SLC28A3: variants seen among roughly 807,000 people sequenced by gnomAD.
SLC28A3 encodes the protein concentrative Na(+)-nucleoside cotransporter 3.
A neutral mutation model predicts 84.2 loss-of-function variants in SLC28A3; 68 were observed. The ratio of observed to expected loss-of-function variants is 0.81; its 90% confidence interval spans 0.66 to 0.99. The LOEUF (loss-of-function observed/expected upper bound fraction) is 0.99. Among genes scored for constraint, SLC28A3 ranks in the 50% least tolerant of loss-of-function variants. The pLI is 0.00. For synonymous variants in SLC28A3, 267 were observed against 303.6 expected, an observed-to-expected ratio of 0.88 and a Z score of 1.25; for missense variants, 712 against 841.5, an observed-to-expected ratio of 0.85 and a Z score of 1.90.
In SLC28A3 at chr9:84,288,076, G is replaced by T. The variant is rs11568405; in HGVS notation, c.1252C>A (p.Leu418Ile). 420 of 1,613,994 alleles carry T rather than the reference G, an allele frequency of 2.6e-4. 2 individuals carry two copies. The African/African-American group carries it at 5.2e-3, about 20-fold the overall frequency. The change falls in exon 12 of 18, where the codon CTC (leucine) becomes ATC (isoleucine). Residue 418 changes from leucine to isoleucine, a missense_variant. By Grantham distance (5) the Leu-to-Ile change is conservative. Transcript: ENST00000376238. Reference sequence around the variant, plus strand: ...CTTTCCATTTTCATGGCATTCTTGAGGGTTATTTTAGGTTTTTCTGTCTCA... The same window carrying T: ...CTTTCCATTTTCATGGCATTCTTGATGGTTATTTTAGGTTTTTCTGTCTCA... ...WPETEKPKIT[L>I]KNAMKMESGD...
chr9:84,342,257 C>CTTTTTTTTTTTT, upstream of SLC28A3, among the ~76,000 whole-genome samples: 1 of 148,754 alleles, frequency 6.7e-6, no homozygotes. Flanking sequence ...TCAAATGCTG[C>CTTTTTTTTTTTT]TGAGTTTTCT....
chr9:84,283,165 G>A (rs1461833965), intron 14 of SLC28A3, among the ~76,000 whole-genome samples: 1 of 152,260 alleles, frequency 6.6e-6, no homozygotes, highest in Non-Finnish European at 1.5e-5. Flanking sequence ...ATGTGGCCAT[G>A]ATGGGTTTTA....
At chr9:84,305,013 C>T (rs553399808) in intron 4 of SLC28A3, among the ~76,000 whole-genome samples, 6 of 152,198 alleles carry the variant, frequency 3.9e-5, no homozygotes, top group East Asian at 3.9e-4. Context: ...CAGAGCTAGA[C>T]TCCATCTCAA....
At chr9:84,305,737 A>G (rs1825768825) in intron 3 of SLC28A3, among the ~76,000 whole-genome samples, 1 of 152,234 alleles carries the variant, frequency 6.6e-6, no homozygotes, top group Non-Finnish European at 1.5e-5. Context: ...GTTAGAAAAT[A>G]AAAAGCCAAG....
intron 4 of SLC28A3, among the ~76,000 whole-genome samples, chr9:84,303,990 T>G (rs1376703891): frequency 6.6e-6 from 1 of 152,244 alleles, no homozygotes; most frequent in Non-Finnish European, 1.5e-5. Context: ...TGGCTTCTGT[T>G]GGAGACTACG....
rs2118279006 is a variant in SLC28A3, at chr9:84,299,680, G to A, written c.570C>T (p.Ala190=). The A allele has an allele frequency of 6.2e-7, 1 of 1,612,514 alleles. No homozygotes were observed. The highest frequency in any genetic ancestry group is 2.2e-5 in the East Asian group (1 of 44,870). Residue 190 remains alanine (A), a synonymous_variant, in exon 6 of 18, where the codon GCC becomes GCT. Coordinates refer to ENST00000376238, the MANE Select transcript of SLC28A3 (RefSeq NM_001199633.2). Reference sequence around the variant, plus strand: ...GTTGACCCAATTTGGCAGTGTCAAAGGCCAACCAGAAAATAACTGCTAGGA... The same window carrying A: ...GTTGACCCAATTTGGCAGTGTCAAAAGCCAACCAGAAAATAACTGCTAGGA... ...SLVLAVIFWL[A]FDTAKLGQQQ... is the part of the protein sequence containing the mutation.
intron 15 of SLC28A3, among the ~76,000 whole-genome samples, chr9:84,280,304 C>T (rs1824695614): frequency 6.6e-6 from 1 of 152,088 alleles, no homozygotes; most frequent in African/African-American, 2.4e-5. Context: ...GGCTCAAAGG[C>T]TCATTCTCCA....
intron 14 of SLC28A3, among the ~76,000 whole-genome samples, chr9:84,283,669 A>G (rs1345436937): frequency 6.6e-6 from 1 of 152,218 alleles, no homozygotes; most frequent in East Asian, 1.9e-4. Flanking sequence ...GGAAAGAGAA[A>G]GTGATGCAAT....
intron 12 of SLC28A3, 125 bp from the exon 13 acceptor site, chr9:84,286,236 A>G: frequency 2.4e-6 from 2 of 820,786 alleles, no homozygotes; most frequent in East Asian, 2.7e-5. Flanking sequence ...GCCTTGCTCA[A>G]AATACTCACC....
intron 1 of SLC28A3, among the ~76,000 whole-genome samples, chr9:84,322,503 T>A (rs1281836900): frequency 2.6e-5 from 4 of 152,194 alleles, no homozygotes; most frequent in Non-Finnish European, 5.9e-5. Flanking sequence ...CAAGCTCTTC[T>A]TTCCAAAGAG....
At chr9:84,291,297 G>A (rs1052264184) in intron 10 of SLC28A3, among the ~76,000 whole-genome samples, 2 of 152,088 alleles carry the variant, frequency 1.3e-5, no homozygotes, top group Non-Finnish European at 2.9e-5. Context: ...CATGGGATGG[G>A]CCCCCACTCT....
intron 14 of SLC28A3, among the ~76,000 whole-genome samples, chr9:84,282,197 G>A (rs1588557698): frequency 6.6e-6 from 1 of 151,994 alleles, no homozygotes; most frequent in East Asian, 1.9e-4. Flanking sequence ...AATTTACAGT[G>A]AAAGACTGGC....
At position 84,278,140 on chromosome 9, in the gene SLC28A3, T is replaced by C. The variant is rs1824590613; in HGVS notation, c.*78A>G. The C allele has an allele frequency of 5.9e-6, 9 of 1,522,962 alleles. No homozygotes were observed. Among genetic ancestry groups the C allele is most frequent in the African/African-American group, 4.2e-5 (3 of 72,086 alleles). The allele number at this position is 1,522,962 out of a possible 1,614,324, so 94.3% of individuals were successfully genotyped here. On this transcript the variant is annotated 3_prime_UTR_variant, in exon 18 of 18. Coordinates refer to ENST00000376238, the MANE Select transcript of SLC28A3 (RefSeq NM_001199633.2). The stretch of plus-strand genomic sequence containing the variant: ...TATGGAAGCATCAATCTGTGGACAA[T>C]AGCTTCTTTTTTTTTTCTTTCCAAA...
intron 6 of SLC28A3, among the ~76,000 whole-genome samples, chr9:84,298,664 G>GT (rs1825509760): frequency 6.6e-6 from 1 of 152,184 alleles, no homozygotes; most frequent in Admixed American, 6.5e-5. Flanking sequence ...TAGTCAAGCT[G>GT]TAAGTACTGG....
At chr9:84,343,248 G>A (rs1012951991), upstream of SLC28A3, among the ~76,000 whole-genome samples, 1 of 152,152 alleles carries the variant, frequency 6.6e-6, no homozygotes, top group Admixed American at 6.5e-5. Flanking sequence ...AGGGTTGAGT[G>A]GTGACTGAAG....
intron 1 of SLC28A3, among the ~76,000 whole-genome samples, chr9:84,314,421 T>C (rs1055767848): frequency 2.6e-5 from 4 of 152,166 alleles, no homozygotes; most frequent in Admixed American, 6.5e-5. Context: ...AATGGATAAA[T>C]GGTGTCAGGA....
intron 11 of SLC28A3, 32 bp from the exon 12 acceptor site, chr9:84,288,210 G>T: frequency 1.2e-6 from 2 of 1,612,958 alleles, no homozygotes; most frequent in Non-Finnish European, 1.7e-6. Flanking sequence ...GGCAAACCTG[G>T]GATTAGCTTT....
chr9:84,336,667 C>T (rs147180893), intron 1 of SLC28A3, among the ~76,000 whole-genome samples: 1 of 151,920 alleles, frequency 6.6e-6, no homozygotes, highest in Non-Finnish European at 1.5e-5. Context: ...CAGAGTGAGA[C>T]CCTGTCTCAA....
At chr9:84,355,440 G>C in the SLC28A3 span, among the ~76,000 whole-genome samples, 1 of 151,972 alleles carries the variant, frequency 6.6e-6, no homozygotes, top group Non-Finnish European at 1.5e-5. Context: ...CATGTCTTGG[G>C]GGAAAAAAAC....
Sources: gnomAD v4.1 joint callset for allele counts (sites outside exome capture counted in the v4.1 genomes callset) on GRCh38, gnomAD v4.1.1 for gene constraint, MANE v1.5 for transcripts, NCBI Gene and HGNC (gene_info 2026-07-23, HGNC 2026-07-21) for gene names.